The following KIAA1958 variants were observed in gnomAD, a reference collection of about 807,000 sequenced individuals.
KIAA1958 encodes uncharacterized protein KIAA1958.
Under a neutral mutation model 47.2 loss-of-function variants are expected in KIAA1958, and 14 were observed. The ratio of observed to expected loss-of-function variants is 0.30; its 90% CI spans 0.20 to 0.46. KIAA1958 has a LOEUF of 0.46. KIAA1958 is among the 20% of genes least tolerant of loss of function. The probability of loss-of-function intolerance (pLI) is 1.00; values close to 1 mark genes in which losing one functional copy is unlikely to be tolerated. For missense variants in KIAA1958, 803 were observed against 909.2 expected (o/e 0.88, Z 1.50); for synonymous variants, 354 against 353.3 (o/e 1.00, Z -0.02).
chr9:112,642,818 A>G (rs1836915194), intron 2 of KIAA1958, among the ~76,000 whole-genome samples: 1 of 152,228 alleles, frequency 6.6e-6, no homozygotes, highest in South Asian at 2.1e-4. Flanking sequence ...TATTAAGTAT[A>G]TGAAATTTAA....
At chr9:112,537,990 G>T (rs1474586354) in intron 1 of KIAA1958, among the ~76,000 whole-genome samples, 1 of 152,126 alleles carries the variant, frequency 6.6e-6, no homozygotes, top group Non-Finnish European at 1.5e-5. Context: ...TAAGATCATT[G>T]TATCAATTAT....
chr9:112,646,357 A>G (rs2131243833), intron 3 of KIAA1958, among the ~76,000 whole-genome samples: 1 of 152,354 alleles, frequency 6.6e-6, no homozygotes, highest in South Asian at 2.1e-4. Flanking sequence ...GGATTATTGC[A>G]GGGGCAGAGA....
Position 112,664,840 on chromosome 9 carries a change from G to A in KIAA1958, c.*4771G>A, listed in dbSNP as rs536157325. 9 of 152,264 alleles carry A rather than the reference G, an allele frequency of 5.9e-5. No homozygotes were observed. In the South Asian group the frequency reaches 6.2e-4, roughly 11 times the overall value. The allele number at this position is 152,264 out of a possible 1,614,324, so 9.4% of individuals were successfully genotyped here. A position where few individuals can be genotyped will look rare whatever the true frequency, so the allele number is the denominator to read the frequency against. On this transcript the variant is annotated 3_prime_UTR_variant, in exon 4 of 4. Coordinates refer to ENST00000337530, the MANE Select transcript of KIAA1958 (RefSeq NM_133465.4). ...AATGAACATCTCTGGAAGTTCCTCCGTCTGATATGTGTATTCTGACATAAC... is the reference window on the plus strand; with the variant it reads ...AATGAACATCTCTGGAAGTTCCTCCATCTGATATGTGTATTCTGACATAAC...
intron 2 of KIAA1958, among the ~76,000 whole-genome samples, chr9:112,620,125 A>AT (rs1836477881): frequency 1.3e-5 from 2 of 152,196 alleles, no homozygotes; most frequent in South Asian, 4.1e-4. Context: ...AATTTTGGTT[A>AT]AACATTTGTG....
At chr9:112,562,853 A>C (rs1041252099) in intron 1 of KIAA1958, among the ~76,000 whole-genome samples, 2 of 147,122 alleles carry the variant, frequency 1.4e-5, no homozygotes, top group African/African-American at 2.5e-5. Context: ...TTTTGTGGAG[A>C]TGGAGTCTTG....
At chr9:112,584,472 G>A (rs376594493) in intron 2 of KIAA1958, among the ~76,000 whole-genome samples, 7 of 152,260 alleles carry the variant, frequency 4.6e-5, no homozygotes, top group Non-Finnish European at 7.4e-5. Context: ...TGCTGTTACC[G>A]AATGTGGAGT....
chr9:112,489,965 A>G (rs751202539), intron 1 of KIAA1958, among the ~76,000 whole-genome samples: 1 of 152,344 alleles, frequency 6.6e-6, no homozygotes, highest in East Asian at 1.9e-4. Context: ...ATTCTTTGTA[A>G]TAGATCTGTG....
chr9:112,622,182 T>C (rs906803963), intron 2 of KIAA1958, among the ~76,000 whole-genome samples: 4 of 152,230 alleles, frequency 2.6e-5, no homozygotes, highest in African/African-American at 7.2e-5. Context: ...GATGTCAAAA[T>C]TGCATATATA....
At chr9:112,655,773 G>T (rs563308290) in intron 3 of KIAA1958, among the ~76,000 whole-genome samples, 1 of 152,186 alleles carries the variant, frequency 6.6e-6, no homozygotes, top group Non-Finnish European at 1.5e-5. Flanking sequence ...ATCTTGAGTC[G>T]TGGTCCACCT....
rs546380286 is a variant in KIAA1958 at position 112,630,617 on chromosome 9, AC to A, written c.1172-15032del. Among the ~76,000 whole-genome samples, 99 of 152,354 alleles carry A rather than the reference AC, an allele frequency of 6.5e-4. 1 individual carries two copies. Among genetic ancestry groups the A allele is most frequent in the African/African-American group, 2.2e-3 (91 of 41,582 alleles). On this transcript the variant is annotated intron_variant, in intron 2 of 3. Coordinates refer to ENST00000337530, the MANE Select transcript of KIAA1958 (RefSeq NM_133465.4). ...CCATTTATTACCTTTAGCACATATT[AC>A]AGTGTTCTTTGAGCCGAATAGGAAT...
chr9:112,611,477 G>A (rs1479803553), intron 2 of KIAA1958, among the ~76,000 whole-genome samples: 1 of 151,244 alleles, frequency 6.6e-6, no homozygotes, highest in African/African-American at 2.4e-5. Flanking sequence ...AGTAAGAATA[G>A]CATTACAGAA....
chr9:112,659,363 G>A lies in KIAA1958; in HGVS notation c.1445G>A (p.Arg482His), dbSNP rs770919925. 8 of 1,613,976 alleles carry A rather than the reference G, an allele frequency of 5.0e-6. No homozygotes were observed. Among genetic ancestry groups the A allele is most frequent in the Admixed American group, 3.3e-5 (2 of 59,998 alleles). The change falls in exon 4 of 4, where the codon CGC becomes CAC. Residue 482 changes from arginine to histidine, a missense_variant. Coordinates refer to ENST00000337530, the MANE Select transcript of KIAA1958 (RefSeq NM_133465.4). Reference protein sequence around the residue: ...DFLATSLHAIRRGLDRILKNA... With the variant: ...DFLATSLHAIHRGLDRILKNA... ...CTGGCCACCTCGCTCCATGCTATTC[G>A]CCGAGGCCTGGACCGCATCCTGAAG...
At chr9:112,625,123 A>AT (rs1195534227) in intron 2 of KIAA1958, among the ~76,000 whole-genome samples, 1 of 152,050 alleles carries the variant, frequency 6.6e-6, no homozygotes, top group Non-Finnish European at 1.5e-5. Flanking sequence ...AATTGGAAAC[A>AT]TTTAATCTAC....
At chr9:112,642,578 A>G (rs369063741) in intron 2 of KIAA1958, among the ~76,000 whole-genome samples, 9 of 152,280 alleles carry the variant, frequency 5.9e-5, no homozygotes, top group East Asian at 5.8e-4. Flanking sequence ...AACTACCACT[A>G]TCTCATAGTC....
At chr9:112,628,973 G>A (rs951858283) in intron 2 of KIAA1958, among the ~76,000 whole-genome samples, 1 of 152,114 alleles carries the variant, frequency 6.6e-6, no homozygotes, top group Non-Finnish European at 1.5e-5. Context: ...GATTGAAAGT[G>A]TTTTAGATTC....
intron 2 of KIAA1958, among the ~76,000 whole-genome samples, chr9:112,625,952 A>G (rs1836602736): frequency 6.6e-6 from 1 of 152,204 alleles, no homozygotes; most frequent in Non-Finnish European, 1.5e-5. Context: ...TTTTTGTTTA[A>G]TTTGATATTC....
chr9:112,565,048 C>G (rs1263457117), intron 1 of KIAA1958, among the ~76,000 whole-genome samples: 2 of 152,028 alleles, frequency 1.3e-5, no homozygotes, highest in African/African-American at 4.8e-5. Context: ...GCTTTAGTTG[C>G]AATTATTGTT....
At chr9:112,637,366 A>C (rs1270400353) in intron 2 of KIAA1958, among the ~76,000 whole-genome samples, 1 of 151,810 alleles carries the variant, frequency 6.6e-6, no homozygotes, top group African/African-American at 2.4e-5. Context: ...CTGCAGCTGC[A>C]TTTTACCTTT....
At chr9:112,600,324 T>A (rs1455944489) in intron 2 of KIAA1958, among the ~76,000 whole-genome samples, 3 of 152,212 alleles carry the variant, frequency 2.0e-5, no homozygotes, top group Non-Finnish European at 4.4e-5. Flanking sequence ...TTGAATTCAC[T>A]CCCTTCTAGC....
Sources: gnomAD v4.1 joint callset for allele counts (sites outside exome capture counted in the v4.1 genomes callset) on GRCh38, gnomAD v4.1.1 for gene constraint, MANE v1.5 for transcripts, NCBI Gene and HGNC (gene_info 2026-07-23, HGNC 2026-07-21) for gene names.